The following PLEKHA5 variants were observed in gnomAD, a reference collection of about 807,000 sequenced individuals.
PLEKHA5 encodes the protein pleckstrin homology domain-containing family A member 5.
Under a neutral mutation model 181.9 loss-of-function variants are expected in PLEKHA5, and 55 were observed. The ratio of observed to expected loss-of-function variants is 0.30; its 90% CI spans 0.24 to 0.38. PLEKHA5 has a LOEUF of 0.38. Among genes scored for constraint, PLEKHA5 ranks in the 10% least tolerant of loss-of-function variants. PLEKHA5 has a pLI of 1.00. For missense variants in PLEKHA5, 1,432 were observed against 1,549.5 expected (o/e 0.92, Z 1.27); for synonymous variants, 535 against 529.4 (o/e 1.01, Z -0.15).
intron 18 of PLEKHA5, 68 bp downstream of exon 18, chr12:19,320,692 G>A: frequency 1.4e-6 from 1 of 719,234 alleles, no homozygotes. Flanking sequence ...CTGGAAATAA[G>A]CATGACCAAA....
At chr12:19,273,576 C>G (rs2073687445) in intron 10 of PLEKHA5, among the ~76,000 whole-genome samples, 1 of 152,078 alleles carries the variant, frequency 6.6e-6, no homozygotes, top group Non-Finnish European at 1.5e-5. Flanking sequence ...GTGGCATGAT[C>G]TTGGCAGTTT....
intron 21 of PLEKHA5, among the ~76,000 whole-genome samples, chr12:19,337,566 A>G (rs530633486): frequency 6.5e-4 from 98 of 151,378 alleles, no homozygotes; most frequent in African/African-American, 2.0e-3. Flanking sequence ...AAAAAAAAAA[A>G]AAAGAAATAA....
intron 21 of PLEKHA5, among the ~76,000 whole-genome samples, chr12:19,342,663 A>G (rs1197366683): frequency 2.6e-5 from 4 of 151,944 alleles, no homozygotes; most frequent in Non-Finnish European, 5.9e-5. Context: ...CGTAATCCCC[A>G]CTACTGAGGA....
At chr12:19,271,446 G>A (rs566917088) in intron 10 of PLEKHA5, among the ~76,000 whole-genome samples, 6 of 152,290 alleles carry the variant, frequency 3.9e-5, no homozygotes, top group Admixed American at 3.9e-4. Flanking sequence ...TGAGGCTGCT[G>A]TGAGCTGTGA....
chr12:19,168,458 C>G (rs75385209), intron 3 of PLEKHA5, among the ~76,000 whole-genome samples: 4,292 of 151,544 alleles, frequency 0.028, 200 homozygotes, highest in African/African-American at 0.098. Flanking sequence ...GTGGAAACCA[C>G]AAGACCCCAA....
intron 3 of PLEKHA5, chr12:19,152,885 A>G (rs1215702513): frequency 6.6e-6 from 1 of 152,080 alleles, no homozygotes; most frequent in Non-Finnish European, 1.5e-5. Flanking sequence ...ATGTGTGGCA[A>G]ATTTACTCTC....
At chr12:19,344,964 G>C (rs1332777914) in intron 22 of PLEKHA5, among the ~76,000 whole-genome samples, 1 of 144,700 alleles carries the variant, frequency 6.9e-6, no homozygotes, top group South Asian at 2.2e-4. Context: ...AAAAAAAAAA[G>C]TACAAAAATT....
chr12:19,215,422 G>A (rs2057776472), intron 3 of PLEKHA5, among the ~76,000 whole-genome samples: 1 of 152,068 alleles, frequency 6.6e-6, no homozygotes, highest in Admixed American at 6.5e-5. Context: ...AAATGGCCAG[G>A]GAAATATGTC....
intron 3 of PLEKHA5, among the ~76,000 whole-genome samples, chr12:19,163,452 T>C (rs4764464): frequency 0.9 from 136,553 of 152,068 alleles, 61,933 homozygotes; most frequent in Non-Finnish European, 0.97. Context: ...GCTGGGATTA[T>C]GGGTGGCTCA....
chr12:19,353,689 C>A (rs900816022), intron 25 of PLEKHA5, among the ~76,000 whole-genome samples, 195 bp from the exon 26 acceptor site: 1 of 151,082 alleles, frequency 6.6e-6, no homozygotes, highest in South Asian at 2.1e-4. Flanking sequence ...AAACTCCTGA[C>A]CTCAGGTCAT....
chr12:19,167,919 T>C (rs2044904281), intron 3 of PLEKHA5, among the ~76,000 whole-genome samples: 1 of 152,146 alleles, frequency 6.6e-6, no homozygotes, highest in South Asian at 2.1e-4. Flanking sequence ...TCACCCCTGG[T>C]AGTATGTGAA....
At chr12:19,131,642 C>A (rs2033881116) in intron 2 of PLEKHA5, among the ~76,000 whole-genome samples, 1 of 151,710 alleles carries the variant, frequency 6.6e-6, no homozygotes, top group South Asian at 2.1e-4. Flanking sequence ...ATTCACGCCA[C>A]AGAAAAATTT....
At chr12:19,269,703 CT>C (rs2071983124) in intron 8 of PLEKHA5, 66 bp from the exon 9 acceptor site, 13 of 756,046 alleles carry the variant, frequency 1.7e-5, no homozygotes, top group Non-Finnish European at 2.6e-5. Flanking sequence ...AATCACTTAC[CT>C]TTTTTTCTTT....
intron 3 of PLEKHA5, chr12:19,152,799 TAGG>T (rs1266184509): frequency 2.0e-5 from 3 of 152,136 alleles, no homozygotes; most frequent in Non-Finnish European, 4.4e-5. Flanking sequence ...GATCTGTAAA[TAGG>T]AGTGTAATTG....
intron 3 of PLEKHA5, among the ~76,000 whole-genome samples, chr12:19,189,015 A>G (rs777740042): frequency 5.9e-5 from 9 of 152,230 alleles, no homozygotes; most frequent in Non-Finnish European, 1.3e-4. Flanking sequence ...GATAGACATT[A>G]GTCAAGTTTT....
chr12:19,162,604 G>A (rs1426915722), intron 3 of PLEKHA5, among the ~76,000 whole-genome samples: 3 of 151,000 alleles, frequency 2.0e-5, no homozygotes, highest in Non-Finnish European at 4.4e-5. Context: ...GGGGCAGAGA[G>A]CCTGTTGTCT....
At position 19,314,872 on chromosome 12, in the gene PLEKHA5, T is replaced by A; in HGVS notation, c.2096T>A (p.Leu699Gln). 1 of 1,544,460 alleles carries A rather than the reference T, an allele frequency of 6.5e-7. No individual in the cohort carries two copies. The highest frequency in any genetic ancestry group is 8.8e-7 in the Non-Finnish European group (1 of 1,140,484). Reference protein sequence around the residue: ...MVHTMIENSALRPQLYQQFLR... With the variant: ...MVHTMIENSAQRPQLYQQFLR... ...CACACAATGATTGAGAACTCGGCGC[T>A]AAGACCCCAACTGTACCAGCAAGTA... The change falls in exon 16 of 32, where the codon CTA becomes CAA. Residue 699 changes from leucine to glutamine, a missense_variant. Coordinates refer to ENST00000429027, the MANE Select transcript of PLEKHA5 (RefSeq NM_001256470.2).
chr12:19,171,944 G>A (rs2045989044), intron 3 of PLEKHA5, among the ~76,000 whole-genome samples: 1 of 152,144 alleles, frequency 6.6e-6, no homozygotes, highest in African/African-American at 2.4e-5. Context: ...TTCAGGGGCA[G>A]TAACACTCAT....
At chr12:19,293,930 G>T (rs2079108460) in intron 15 of PLEKHA5, among the ~76,000 whole-genome samples, 1 of 152,088 alleles carries the variant, frequency 6.6e-6, no homozygotes, top group Admixed American at 6.6e-5. Context: ...GGTCCTACTG[G>T]TGACTTCTAA....
Sources: allele counts gnomAD v4.1 joint callset (sites outside exome capture counted in the v4.1 genomes callset), GRCh38; gene constraint gnomAD v4.1.1; transcripts MANE v1.5; gene names NCBI Gene and HGNC (gene_info 2026-07-23, HGNC 2026-07-21).